SIGLEC1: variants seen among roughly 807,000 people sequenced by gnomAD.
SIGLEC1 encodes sialic acid binding Ig like lectin 1, also known as sialoadhesin.
A neutral mutation model predicts 148.0 loss-of-function variants in SIGLEC1; 132 were observed. That is an observed-to-expected ratio of 0.89 (90% CI 0.77 to 1.03). The LOEUF (loss-of-function observed/expected upper bound fraction) is 1.03. Ranked by LOEUF, SIGLEC1 falls within the 50% of genes least tolerant of loss-of-function variation. The pLI is 0.00. For synonymous variants in SIGLEC1, 945 were observed against 969.0 expected (o/e 0.98, Z 0.46); for missense variants, 2,253 against 2,271.4 (o/e 0.99, Z 0.16).
In SIGLEC1 at chr20:3,689,244, G is replaced by T. The variant is rs372097951; in HGVS notation, c.4998-17C>A. 3 of 1,611,462 alleles carry T rather than the reference G, an allele frequency of 1.9e-6. No homozygotes were observed. The Admixed American group carries it at 5.0e-5, about 27-fold the overall frequency. On this transcript the variant is annotated splice_polypyrimidine_tract_variant and intron_variant, in intron 20 of 21. Transcript: ENST00000344754. ...CGCCTCCTTCTGCAAGGCCCGGAGT[G>T]GACTCAGAGAGCCTCTCCCCTCCCC...
In SIGLEC1 at chr20:3,692,626, G is replaced by A. The variant is rs1168157142; in HGVS notation, c.3925C>T (p.Leu1309Phe). The change falls in exon 16 of 22, where the codon CTC becomes TTC. Residue 1309 changes from leucine to phenylalanine, a missense_variant. Transcript: ENST00000344754. ...RWLQEGPAAS[L>F]SFLVATRAHA... ...GCCCGCGTGGCCACCAGGAATGAGA[G>A]TGAGGCAGCTGGACCCTCCTGCAGC... 1.9e-6 allele frequency: 3 copies of A among 1,613,032 alleles called. No individual in the cohort carries two copies. The highest frequency in any genetic ancestry group is 1.7e-5 in the Admixed American group (1 of 60,032).
At position 3,688,591 on chromosome 20, in the gene SIGLEC1, T is replaced by A; in HGVS notation, c.5099A>T (p.Glu1700Val). 1 of 1,603,346 alleles carries A rather than the reference T, an allele frequency of 6.2e-7. No homozygotes were observed. The highest frequency in any genetic ancestry group is 1.1e-5 in the South Asian group (1 of 88,788). Reference sequence around the variant, plus strand: ...CAGGGGTGGGGCACAGGTTGAGGTCTCACATGTGGCTGCATCAGGATCAAT... The same window carrying A: ...CAGGGGTGGGGCACAGGTTGAGGTCACACATGTGGCTGCATCAGGATCAAT... Reference protein sequence around the residue: ...QLIDPDAATCETSTCAPPLG With the variant: ...QLIDPDAATCVTSTCAPPLG Residue 1700 changes from glutamate (E) to valine (V), a missense_variant, in exon 22 of 22, where the codon GAG (glutamate) becomes GTG (valine). Coordinates refer to ENST00000344754, the MANE Select transcript of SIGLEC1 (RefSeq NM_023068.4).
chr20:3,706,823 G>T (rs1235278824), intron 2 of SIGLEC1, 117 bp from the exon 3 acceptor site: 2 of 1,293,386 alleles, frequency 1.5e-6, no homozygotes, highest in East Asian at 2.5e-5. Flanking sequence ...ATTCTGCCCT[G>T]CCCCGAGAAA....
At chr20:3,702,587 CAA>C (rs57157833) in intron 6 of SIGLEC1, among the ~76,000 whole-genome samples, 102 of 139,196 alleles carry the variant, frequency 7.3e-4, no homozygotes, top group Admixed American at 1.9e-3. Context: ...GACTCCATCT[CAA>C]AAAAAAAAAA....
rs762400380 is a variant in SIGLEC1 at position 3,706,548 on chromosome 20, C to T, written c.208G>A (p.Val70Met). 8.7e-6 allele frequency: 14 copies of T among 1,612,660 alleles called. No homozygotes were observed. Among genetic ancestry groups the T allele is most frequent in the Middle Eastern group, 1.6e-4 (1 of 6,078 alleles). ...YYDYSGQRQV[V>M]SHSADPKLVE... The stretch of plus-strand genomic sequence containing the variant: ...AGCTTGGGGTCCGCCGAGTGGCTCA[C>T]CACCTGCCGCTGGCCCGAGTAGTCG... Residue 70 changes from valine (V) to methionine (M), a missense_variant, in exon 3 of 22, where the codon GTG (valine) becomes ATG (methionine). Transcript: ENST00000344754.
Position 3,697,175 on chromosome 20 carries a change from C to T in SIGLEC1, c.2290G>A (p.Val764Met), listed in dbSNP as rs773839739. The change falls in exon 10 of 22, where the codon GTG (valine) becomes ATG (methionine). Residue 764 changes from valine to methionine, a missense_variant. By Grantham distance (21) the Val-to-Met change is conservative. Coordinates refer to ENST00000344754, the MANE Select transcript of SIGLEC1 (RefSeq NM_023068.4). ...TAAAGGGCAGCATCAGTTCTGGCCA[C>T]GGGCAGCAGTGTCACGGTCTCCAGG... The part of the protein sequence containing the change: ...GPLETVTLLP[V>M]ARTDAALYAC... 37 of 1,613,720 alleles carry T rather than the reference C, an allele frequency of 2.3e-5. No individual in the cohort carries two copies. Among genetic ancestry groups the T allele is most frequent in the Non-Finnish European group, 2.9e-5 (34 of 1,180,050 alleles).
intron 12 of SIGLEC1, 61 bp downstream of exon 12, chr20:3,694,602 C>T (rs896585891): frequency 1.3e-6 from 2 of 1,565,796 alleles, no homozygotes; most frequent in Admixed American, 1.8e-5. Flanking sequence ...TCATGTGACA[C>T]AGCCCAGGAC....
At chr20:3,704,642 G>A (rs2087879262) in intron 4 of SIGLEC1, among the ~76,000 whole-genome samples, 1 of 152,168 alleles carries the variant, frequency 6.6e-6, no homozygotes, top group Non-Finnish European at 1.5e-5. Context: ...TTAGAAAGAG[G>A]ATCTGGCTCA....
Position 3,691,883 on chromosome 20 carries a change from C to T in SIGLEC1, c.4330+20G>A, listed in dbSNP as rs190516294. 9.6e-5 allele frequency: 149 copies of T among 1,552,238 alleles called. No homozygotes were observed. The East Asian group carries it at 3.2e-3, about 34-fold the overall frequency. On this transcript the variant is annotated intron_variant, in intron 17 of 21. Transcript: ENST00000344754. ...CCTGAGAGCATCAGAGCCCCTCCTC[C>T]TCCCCTCTCTTCCACTCACCTTCTA...
chr20:3,698,289 G>A (rs147371426), intron 8 of SIGLEC1, among the ~76,000 whole-genome samples, 156 bp from the exon 9 acceptor site: 1 of 152,242 alleles, frequency 6.6e-6, no homozygotes, highest in Admixed American at 6.5e-5. Flanking sequence ...GCCAGACCAG[G>A]GTGGGTGGAA....
chr20:3,692,090 A>C lies in SIGLEC1; in HGVS notation c.4143T>G (p.His1381Gln). The part of the protein sequence containing the change: ...SEPPAELALS[H>Q]DGKVLATSSG... ...TGCTCGTGGCCAGCACCTTGCCATC[A>C]TGAGATAGGGCCAGCTCAGCAGGTG... is the stretch of plus-strand genomic sequence containing the variant. Residue 1381 changes from histidine to glutamine, a missense_variant, in exon 17 of 22, where the codon CAT becomes CAG. Transcript: ENST00000344754. 6.2e-7 allele frequency: 1 copy of C among 1,609,998 alleles called. No individual in the cohort carries two copies.
chr20:3,705,654 G>C, intron 4 of SIGLEC1, 90 bp downstream of exon 4: 1 of 1,403,088 alleles, frequency 7.1e-7, no homozygotes, highest in South Asian at 1.3e-5. Flanking sequence ...CAGGAGCAAG[G>C]GTTCCGTTTC....
chr20:3,694,616 G>A (rs1375996966), intron 12 of SIGLEC1, 47 bp downstream of exon 12: 1 of 1,581,354 alleles, frequency 6.3e-7, no homozygotes, highest in Non-Finnish European at 8.6e-7. Context: ...CCAGGACTGG[G>A]GGACTGCATT....
rs577959871 is a variant in SIGLEC1, at chr20:3,694,080, G to A, written c.3256+141C>T. 4.4e-6 allele frequency: 4 copies of A among 915,818 alleles called. No homozygotes were observed. The East Asian group carries it at 8.0e-5, about 18-fold the overall frequency. 56.7% of individuals were successfully genotyped at this position (915,818 alleles called of 1,614,324 possible). A position where few individuals can be genotyped will look rare whatever the true frequency, so the allele number is the denominator to read the frequency against. The stretch of plus-strand genomic sequence containing the variant: ...AGGTTCTCCTAAGAAACTCAAGTCT[G>A]GAGTCCACCATCGTTAGGAAGGGTG... On this transcript the variant is annotated intron_variant, in intron 13 of 21. Coordinates refer to ENST00000344754, the MANE Select transcript of SIGLEC1 (RefSeq NM_023068.4).
intron 18 of SIGLEC1, among the ~76,000 whole-genome samples, chr20:3,690,883 T>G (rs985296839): frequency 6.7e-6 from 1 of 148,348 alleles, no homozygotes; most frequent in Non-Finnish European, 1.5e-5. Context: ...CAGGCTGGAG[T>G]GCGTTGTGGT....
chr20:3,689,310 C>G, intron 20 of SIGLEC1, 83 bp from the exon 21 acceptor site: 3 of 1,219,274 alleles, frequency 2.5e-6, no homozygotes, highest in Non-Finnish European at 1.2e-6. Flanking sequence ...CACAGGCTGG[C>G]TCCAGACCAC....
chr20:3,689,650 C>T lies in SIGLEC1; in HGVS notation c.4947G>A (p.Leu1649=). 6.3e-7 allele frequency: 1 copy of T among 1,591,258 alleles called. No homozygotes were observed. The highest frequency in any genetic ancestry group is 8.6e-7 in the Non-Finnish European group (1 of 1,169,298). The change falls in exon 20 of 22, where the codon CTG becomes CTA. Residue 1649 remains leucine, a synonymous_variant. Transcript: ENST00000344754. The stretch of plus-strand genomic sequence containing the variant: ...CCAACAGCAGGAGCAGGAGGCCCAC[C>T]AGCAGTCCCAGGACCCAGAGCAGCT... ...FQQLLWVLGL[L]VGLLLLLLGL...
In SIGLEC1 at chr20:3,694,771, G is replaced by A. The variant is rs1347392139; in HGVS notation, c.2836C>T (p.Arg946Cys). Residue 946 changes from arginine (R) to cysteine (C), a missense_variant, in exon 12 of 22, where the codon CGC becomes TGC. Physicochemically the swap from Arg to Cys is radical, Grantham distance 180 (BLOSUM62 -3). Coordinates refer to ENST00000344754, the MANE Select transcript of SIGLEC1 (RefSeq NM_023068.4). The part of the protein sequence containing the change: ...PLQESTSATL[R>C]FAAITLTQAG... ...TGTGTCAAAGTTATGGCTGCAAAGC[G>A]GAGCGTGGCCGAGGTCGACTCCTGG... 7.4e-6 allele frequency: 12 copies of A among 1,613,676 alleles called. No individual in the cohort carries two copies. The highest frequency in any genetic ancestry group is 2.2e-5 in the East Asian group (1 of 44,884).
Position 3,697,322 on chromosome 20 carries a change from G to T in SIGLEC1, c.2143C>A (p.Pro715Thr). Residue 715 changes from proline (P) to threonine (T), a missense_variant, in exon 10 of 22, where the codon CCA (proline) becomes ACA (threonine). Transcript: ENST00000344754. ...GTGCCCTCCTGAAGTGTGTGTGATG[G>T]TGCAATGGCCAGGACAGTGGCTGGA... ...NGQATVLAIA[P>T]SHTLQEGTEA... The T allele has an allele frequency of 6.2e-7, 1 of 1,613,860 alleles. No homozygotes were observed. The highest frequency in any genetic ancestry group is 2.2e-5 in the East Asian group (1 of 44,872).
Sources: allele counts gnomAD v4.1 joint callset (sites outside exome capture counted in the v4.1 genomes callset), GRCh38; gene constraint gnomAD v4.1.1; transcripts MANE v1.5; gene names NCBI Gene and HGNC (gene_info 2026-07-23, HGNC 2026-07-21).